Variants in DTHD1 observed in about 807,000 individuals in gnomAD.
DTHD1 encodes death domain containing 1, also known as death domain-containing protein 1.
DTHD1 carries 59 observed loss-of-function variants against 74.8 expected under a neutral mutation model. That is an observed-to-expected ratio of 0.79 (90% CI 0.64 to 0.98). DTHD1 has a LOEUF of 0.98. DTHD1 is among the 50% of genes least tolerant of loss of function. DTHD1 has a pLI of 0.00. For synonymous variants in DTHD1, 365 were observed against 371.1 expected, an observed-to-expected ratio of 0.98 and a Z score of 0.19; for missense variants, 1,051 against 1,065.4, an observed-to-expected ratio of 0.99 and a Z score of 0.19.
intron 5 of DTHD1, among the ~76,000 whole-genome samples, chr4:36,296,950 T>C (rs1000507674): frequency 2.6e-5 from 4 of 152,156 alleles, no homozygotes; most frequent in African/African-American, 4.8e-5. Context: ...TTACCAATGA[T>C]ATAAACAGTC....
At chr4:36,340,041 T>C (rs1019739839) in intron 9 of DTHD1, among the ~76,000 whole-genome samples, 3 of 152,200 alleles carry the variant, frequency 2.0e-5, no homozygotes, top group Non-Finnish European at 4.4e-5. Flanking sequence ...TCATTAACAG[T>C]CACTGGAGAA....
intron 3 of DTHD1, 40 bp downstream of exon 3, chr4:36,290,743 C>A: frequency 1.4e-6 from 2 of 1,436,112 alleles, no homozygotes; most frequent in South Asian, 1.3e-5. Flanking sequence ...TGCTGTTTGG[C>A]TCCTCTTATA....
chr4:36,342,808 G>T (rs1205806166), intron 9 of DTHD1, among the ~76,000 whole-genome samples: 1 of 150,914 alleles, frequency 6.6e-6, no homozygotes, highest in Non-Finnish European at 1.5e-5. Flanking sequence ...AGGCGTGGTG[G>T]CTCACACCTG....
At chr4:36,285,406 G>A (rs751489218) in intron 2 of DTHD1, among the ~76,000 whole-genome samples, 2 of 152,128 alleles carry the variant, frequency 1.3e-5, no homozygotes, top group East Asian at 1.9e-4. Flanking sequence ...TTATGGATGA[G>A]CTTTGGGAGG....
chr4:36,319,455 G>C (rs1757935817), intron 8 of DTHD1, among the ~76,000 whole-genome samples: 1 of 152,224 alleles, frequency 6.6e-6, no homozygotes, highest in Admixed American at 6.5e-5. Context: ...TGAAGATGTG[G>C]AGTGGAGAGG....
At position 36,290,431 on chromosome 4, in the gene DTHD1, C is replaced by G. The variant is rs1353036946; in HGVS notation, c.946C>G (p.Pro316Ala). Residue 316 changes from proline to alanine, a missense_variant, in exon 3 of 10, where the codon CCA (proline) becomes GCA (alanine). Transcript: ENST00000639862. ...GPQVSCYITA[P>A]SYVLQQLECR... ...CCAAGTGTCTTGTTATATTACAGCA[C>G]CATCATATGTTCTACAACAACTAGA... 1 of 1,551,932 alleles carries G rather than the reference C, an allele frequency of 6.4e-7. No homozygotes were observed. The highest frequency in any genetic ancestry group is 1.4e-5 in the African/African-American group (1 of 73,142).
At chr4:36,333,966 T>C (rs1398726425) in intron 8 of DTHD1, 1 of 152,226 alleles carries the variant, frequency 6.6e-6, no homozygotes, top group Non-Finnish European at 1.5e-5. Flanking sequence ...AGGTAATTTA[T>C]GAAATTACTT....
At position 36,313,766 on chromosome 4, in the gene DTHD1, T is replaced by C. The variant is rs80330434; in HGVS notation, c.2096-2476T>C. On this transcript the variant is annotated intron_variant, in intron 7 of 9. Coordinates refer to ENST00000639862, the MANE Select transcript of DTHD1 (RefSeq NM_001170700.3). ...ACCCTTATATCCTCTGTGTAAACCA[T>C]TTCTTATGAATAATTGTGCCCCCGG... is the stretch of plus-strand genomic sequence containing the variant. Among the ~76,000 whole-genome samples the C allele has an allele frequency of 7.8e-3, 1,185 of 152,342 alleles. 6 individuals are homozygous for C. The highest frequency in any genetic ancestry group is 0.013 in the Non-Finnish European group (900 of 68,044).
At chr4:36,315,424 G>A (rs1757654215) in intron 7 of DTHD1, among the ~76,000 whole-genome samples, 1 of 152,184 alleles carries the variant, frequency 6.6e-6, no homozygotes, top group Admixed American at 6.5e-5. Context: ...TTATATCTGT[G>A]CTGTTCATTA....
In DTHD1 at chr4:36,306,149, C is replaced by G. The variant is rs76352304; in HGVS notation, c.1644-42C>G. The G allele has an allele frequency of 2.7e-3, 4,089 of 1,487,650 alleles. 92 individuals carry two copies. In the African/African-American group the frequency reaches 0.051, roughly 19 times the overall value. The allele number at this position is 1,487,650 out of a possible 1,614,324, so 92.2% of individuals were successfully genotyped here. ...TGAATGCATTAAATAAGATTTATAT[C>G]ATGTAAATTGTACCAATATCTCTTC... On this transcript the variant is annotated intron_variant, in intron 5 of 9. Coordinates refer to ENST00000639862, the MANE Select transcript of DTHD1 (RefSeq NM_001170700.3).
chr4:36,313,890 T>G (rs1020452504), intron 7 of DTHD1, among the ~76,000 whole-genome samples: 3 of 152,078 alleles, frequency 2.0e-5, no homozygotes, highest in African/African-American at 7.2e-5. Context: ...AGCACTCTAG[T>G]AGTATGGAAA....
At chr4:36,284,887 T>A (rs936681380) in intron 2 of DTHD1, among the ~76,000 whole-genome samples, 1 of 152,102 alleles carries the variant, frequency 6.6e-6, no homozygotes, top group Non-Finnish European at 1.5e-5. Context: ...TATAAAGACA[T>A]TAATCTCATT....
intron 8 of DTHD1, among the ~76,000 whole-genome samples, chr4:36,330,791 T>C (rs1262712780): frequency 1.3e-5 from 2 of 152,296 alleles, no homozygotes; most frequent in East Asian, 3.9e-4. Context: ...AAGCTTTTAT[T>C]TGATTTGTGA....
chr4:36,283,220 A>G (rs534604704), intron 1 of DTHD1, among the ~76,000 whole-genome samples: 91 of 152,338 alleles, frequency 6.0e-4, no homozygotes, highest in Middle Eastern at 6.8e-3. Context: ...AGGATGAACA[A>G]ATAGGAGAGT....
intron 5 of DTHD1, 46 bp from the exon 6 acceptor site, chr4:36,306,143 TTA>T: frequency 6.8e-7 from 1 of 1,475,104 alleles, no homozygotes; most frequent in Non-Finnish European, 9.2e-7. Flanking sequence ...TAAATAAGAT[TTA>T]TATCATGTAA....
Position 36,339,220 on chromosome 4 carries a change from A to AT in DTHD1, c.2398+52dup, listed in dbSNP as rs1409670373. 2.4e-6 allele frequency: 3 copies of AT among 1,262,722 alleles called. No homozygotes were observed. The Admixed American group carries it at 6.4e-5, about 27-fold the overall frequency. 78.2% of individuals were successfully genotyped at this position (1,262,722 alleles called of 1,614,324 possible). On this transcript the variant is annotated intron_variant, in intron 9 of 9. Coordinates refer to ENST00000639862, the MANE Select transcript of DTHD1 (RefSeq NM_001170700.3). Reference sequence around the variant, plus strand: ...TTATAGTGCTTCCCCACCCCCTTATATGTTGTATATATGTGAATCATTTCA... The same window carrying AT: ...TTATAGTGCTTCCCCACCCCCTTATATTGTTGTATATATGTGAATCATTTCA...
chr4:36,320,714 G>A (rs1374692670), intron 8 of DTHD1, among the ~76,000 whole-genome samples: 2 of 152,286 alleles, frequency 1.3e-5, no homozygotes, highest in South Asian at 2.1e-4. Flanking sequence ...ATGACATTTA[G>A]TTTTGCAAGA....
intron 5 of DTHD1, among the ~76,000 whole-genome samples, chr4:36,295,354 G>T (rs954464591): frequency 2.6e-5 from 4 of 152,048 alleles, no homozygotes; most frequent in African/African-American, 9.7e-5. Context: ...GTAGGAGAAA[G>T]ACATACCTTA....
At position 36,281,753 on chromosome 4, in the gene DTHD1, C is replaced by T. The variant is rs1018748595; in HGVS notation, c.-6C>T. The T allele has an allele frequency of 6.5e-6, 8 of 1,235,518 alleles. No homozygotes were observed. The African/African-American group carries it at 1.1e-4, about 17-fold the overall frequency. 76.5% of individuals were successfully genotyped at this position (1,235,518 alleles called of 1,614,324 possible). On this transcript the variant is annotated 5_prime_UTR_variant, in exon 1 of 10. Coordinates refer to ENST00000639862, the MANE Select transcript of DTHD1 (RefSeq NM_001170700.3). The stretch of plus-strand genomic sequence containing the variant: ...AGGAGAGAAAATACCACTTTTGGAT[C>T]ATAAAATGGATATGGAATACATGGG...
Sources: allele counts gnomAD v4.1 joint callset (sites outside exome capture counted in the v4.1 genomes callset), GRCh38; gene constraint gnomAD v4.1.1; transcripts MANE v1.5; gene names NCBI Gene and HGNC (gene_info 2026-07-23, HGNC 2026-07-21).